EML4: variants seen among roughly 807,000 people sequenced by gnomAD.
EML4 encodes EMAP like 4, also known as echinoderm microtubule-associated protein-like 4.
Under a neutral mutation model 129.0 loss-of-function variants are expected in EML4, and 72 were observed. That is an observed-to-expected ratio of 0.56 (90% CI 0.46 to 0.68). EML4 has a LOEUF of 0.68. Ranked by LOEUF, EML4 falls within the 30% of genes least tolerant of loss-of-function variation. The pLI is 0.00. For synonymous variants in EML4, 532 were observed against 405.0 expected, an observed-to-expected ratio of 1.31 and a Z score of -3.77; for missense variants, 1,363 against 1,190.6, an observed-to-expected ratio of 1.14 and a Z score of -2.13.
chr2:42,310,316 T>C (rs555204394), intron 17 of EML4, among the ~76,000 whole-genome samples: 18 of 150,910 alleles, frequency 1.2e-4, no homozygotes, highest in Non-Finnish European at 2.2e-4. Context: ...CCTTCCCCTT[T>C]CCCTTTCCCT....
chr2:42,239,209 A>G (rs1674865863), intron 1 of EML4, among the ~76,000 whole-genome samples: 1 of 152,380 alleles, frequency 6.6e-6, no homozygotes, highest in Admixed American at 6.5e-5. Context: ...AAAACAAGAC[A>G]GTAAGTATTC....
In EML4 at chr2:42,296,897, A is replaced by C. The variant is rs542087601; in HGVS notation, c.1489+1381A>C. Reference sequence around the variant, plus strand: ...CCCGATAAATCTATCATAATGTCAAAAAATAATAAATTGAACCAACATAAG... The same window carrying C: ...CCCGATAAATCTATCATAATGTCAACAAATAATAAATTGAACCAACATAAG... On this transcript the variant is annotated intron_variant, in intron 13 of 22. Coordinates refer to ENST00000318522, the MANE Select transcript of EML4 (RefSeq NM_019063.5). Among the ~76,000 whole-genome samples the C allele has an allele frequency of 5.5e-4, 84 of 152,318 alleles. 1 individual carries two copies. The highest frequency in any genetic ancestry group is 4.6e-4 in the Non-Finnish European group (31 of 68,020).
intron 1 of EML4, among the ~76,000 whole-genome samples, chr2:42,189,831 GA>G (rs1671481118): frequency 6.6e-6 from 1 of 152,104 alleles, no homozygotes; most frequent in Non-Finnish European, 1.5e-5. Context: ...GAATACTGAA[GA>G]AAGAGTGTTT....
intron 13 of EML4, among the ~76,000 whole-genome samples, chr2:42,300,141 G>C (rs1668200082): frequency 6.6e-6 from 1 of 152,174 alleles, no homozygotes; most frequent in African/African-American, 2.4e-5. Context: ...AAAATGAATA[G>C]TTGTTAAACC....
chr2:42,301,472 T>A, intron 14 of EML4, 80 bp downstream of exon 14: 1 of 1,129,304 alleles, frequency 8.9e-7, no homozygotes, highest in Non-Finnish European at 1.2e-6. Flanking sequence ...AACTTATACT[T>A]TTCTGGCAAA....
chr2:42,227,243 C>G (rs1333959939), intron 1 of EML4, among the ~76,000 whole-genome samples: 1 of 152,008 alleles, frequency 6.6e-6, no homozygotes, highest in East Asian at 1.9e-4. Flanking sequence ...CACAGCCTGC[C>G]CCAAGTAGCT....
chr2:42,269,171 T>TA (rs1572661220), intron 6 of EML4, among the ~76,000 whole-genome samples: 2 of 152,240 alleles, frequency 1.3e-5, no homozygotes, highest in Admixed American at 6.5e-5. Flanking sequence ...GGCTTCAGAT[T>TA]AAAAATACTT....
rs770024782 is a variant in EML4 at position 42,330,150 on chromosome 2, G to T, written c.2889G>T (p.Lys963Asn). Residue 963 changes from lysine to asparagine, a missense_variant, in exon 23 of 23, where the codon AAG (lysine) becomes AAT (asparagine). Lys to Asn is a moderately conservative substitution (Grantham distance 94). Coordinates refer to ENST00000318522, the MANE Select transcript of EML4 (RefSeq NM_019063.5). ...LYEEPCNEIS[K>N]EQAKATLLED... ...AAGAGCCATGCAACGAGATAAGCAA[G>T]GAGCAGGCCAAAGCCACCCTTCTGG... 1 of 1,612,150 alleles carries T rather than the reference G, an allele frequency of 6.2e-7. No individual in the cohort carries two copies. The highest frequency in any genetic ancestry group is 2.2e-5 in the East Asian group (1 of 44,836).
intron 1 of EML4, among the ~76,000 whole-genome samples, chr2:42,199,945 A>C (rs530458652): frequency 6.6e-5 from 10 of 152,210 alleles, no homozygotes; most frequent in African/African-American, 2.4e-4. Flanking sequence ...GTCTTAAAAA[A>C]CAATTTTGAC....
chr2:42,261,164 A>G lies in EML4; in HGVS notation c.382A>G (p.Lys128Glu). The stretch of plus-strand genomic sequence containing the variant: ...AGAAAAACCACAAGGACAGAGAGAA[A>G]AAAAAGAGGAATCTCATTCTAATGA... ...KKEKPQGQRE[K>E]KEESHSNDQS... is the part of the protein sequence containing the mutation. Residue 128 changes from lysine (K) to glutamate (E), a missense_variant, in exon 4 of 23, where the codon AAA (lysine) becomes GAA (glutamate). Lys to Glu is a moderately conservative substitution (Grantham distance 56). Coordinates refer to ENST00000318522, the MANE Select transcript of EML4 (RefSeq NM_019063.5). 1.2e-6 allele frequency: 2 copies of G among 1,613,794 alleles called. No homozygotes were observed. The highest frequency in any genetic ancestry group is 1.1e-5 in the South Asian group (1 of 91,070).
At chr2:42,233,864 T>G (rs1426881269) in intron 1 of EML4, among the ~76,000 whole-genome samples, 3 of 152,250 alleles carry the variant, frequency 2.0e-5, no homozygotes, top group Non-Finnish European at 4.4e-5. Context: ...CTTGCTACTT[T>G]GTATACACAT....
intron 13 of EML4, among the ~76,000 whole-genome samples, chr2:42,297,885 T>C (rs1031671587): frequency 2.6e-5 from 4 of 152,138 alleles, no homozygotes; most frequent in African/African-American, 7.2e-5. Flanking sequence ...TTAAAAGTGC[T>C]TTTATATATT....
intron 6 of EML4, among the ~76,000 whole-genome samples, chr2:42,274,957 C>A (rs1192339534): frequency 6.6e-6 from 1 of 152,126 alleles, no homozygotes; most frequent in African/African-American, 2.4e-5. Context: ...CTACTGTACT[C>A]CCTGATTTCC....
At chr2:42,211,622 TAGAG>T (rs1672890762) in intron 1 of EML4, among the ~76,000 whole-genome samples, 1 of 152,202 alleles carries the variant, frequency 6.6e-6, no homozygotes, top group Non-Finnish European at 1.5e-5. Flanking sequence ...AAAATGTCGT[TAGAG>T]AGGTTGAAAA....
At chr2:42,197,517 T>C (rs1186684442) in intron 1 of EML4, among the ~76,000 whole-genome samples, 1 of 152,120 alleles carries the variant, frequency 6.6e-6, no homozygotes, top group South Asian at 2.1e-4. Flanking sequence ...GCTTAAATAC[T>C]AGATTTTTTT....
chr2:42,303,330 C>T lies in EML4; in HGVS notation c.1783C>T (p.Leu595Phe). Residue 595 changes from leucine (L) to phenylalanine (F), a missense_variant, in exon 16 of 23, where the codon CTT (leucine) becomes TTT (phenylalanine). Leu to Phe is a conservative substitution (Grantham distance 22, BLOSUM62 0). Coordinates refer to ENST00000318522, the MANE Select transcript of EML4 (RefSeq NM_019063.5). ...QIEVQGHTDE[L>F]WGLATHPFKD... The stretch of plus-strand genomic sequence containing the variant: ...TCATTTTCAGGGTCATACAGATGAG[C>T]TTTGGGGTCTTGCCACACATCCCTT... The T allele has an allele frequency of 6.2e-7, 1 of 1,614,074 alleles. No homozygotes were observed. Among genetic ancestry groups the T allele is most frequent in the Non-Finnish European group, 8.5e-7 (1 of 1,180,010 alleles).
chr2:42,230,593 A>T (rs112557065), intron 1 of EML4, among the ~76,000 whole-genome samples: 17 of 151,970 alleles, frequency 1.1e-4, no homozygotes, highest in African/African-American at 3.6e-4. Context: ...TTTAGTAGAG[A>T]TGGGGTTTTG....
chr2:42,323,907 G>A lies in EML4; in HGVS notation c.2155-1560G>A, dbSNP rs187962238. On this transcript the variant is annotated intron_variant, in intron 19 of 22. Coordinates refer to ENST00000318522, the MANE Select transcript of EML4 (RefSeq NM_019063.5). ...TGCAGTGAGCCAAGATTATGCCACT[G>A]CACTCCAGCCTGGGTGAACGAGTGA... Among the ~76,000 whole-genome samples the A allele has an allele frequency of 9.4e-4, 143 of 151,546 alleles. 1 individual carries two copies. The highest frequency in any genetic ancestry group is 3.4e-3 in the African/African-American group (141 of 41,260).
intron 1 of EML4, among the ~76,000 whole-genome samples, chr2:42,187,309 A>G (rs1671315017): frequency 1.3e-5 from 2 of 151,932 alleles, no homozygotes; most frequent in African/African-American, 4.8e-5. Flanking sequence ...CAGCTTCCCA[A>G]AGTTCTGGGA....
Sources: gnomAD v4.1 joint callset for allele counts (sites outside exome capture counted in the v4.1 genomes callset) on GRCh38, gnomAD v4.1.1 for gene constraint, MANE v1.5 for transcripts, NCBI Gene and HGNC (gene_info 2026-07-23, HGNC 2026-07-21) for gene names.